Variants in FANCC observed in about 807,000 individuals in gnomAD.
The protein encoded by FANCC is FA complementation group C.
Under a neutral mutation model 71.3 loss-of-function variants are expected in FANCC, and 55 were observed. That is an observed-to-expected ratio of 0.77 (90% CI 0.62 to 0.97). The LOEUF (loss-of-function observed/expected upper bound fraction) is 0.97. Ranked by LOEUF, FANCC falls within the 50% of genes least tolerant of loss-of-function variation. The pLI, the probability that FANCC is intolerant of heterozygous loss-of-function variation, is 0.00. For synonymous variants in FANCC, 275 were observed against 244.9 expected (o/e 1.12, Z -1.15); for missense variants, 678 against 670.9 (o/e 1.01, Z -0.12).
intron 4 of FANCC, among the ~76,000 whole-genome samples, chr9:95,180,704 A>G (rs1826298262): frequency 6.6e-6 from 1 of 152,010 alleles, no homozygotes. Flanking sequence ...TGTTAAGTAC[A>G]TAAACCAATA....
At chr9:95,118,363 G>T (rs1293293530) in intron 10 of FANCC, among the ~76,000 whole-genome samples, 2 of 152,226 alleles carry the variant, frequency 1.3e-5, no homozygotes, top group Non-Finnish European at 2.9e-5. Context: ...AACTGTGCTC[G>T]CATTTCGAGG....
intron 8 of FANCC, among the ~76,000 whole-genome samples, chr9:95,128,178 G>T (rs1370227799): frequency 6.6e-6 from 1 of 152,092 alleles, no homozygotes; most frequent in South Asian, 2.1e-4. Context: ...AGAGGTCACC[G>T]GATATAAGCA....
chr9:95,206,113 T>C (rs779523732), intron 4 of FANCC, among the ~76,000 whole-genome samples: 3 of 152,078 alleles, frequency 2.0e-5, no homozygotes, highest in Non-Finnish European at 4.4e-5. Flanking sequence ...AAGCATCATA[T>C]GTAAAAAGGT....
chr9:95,159,841 G>A (rs1376689885), intron 6 of FANCC, among the ~76,000 whole-genome samples: 1 of 152,140 alleles, frequency 6.6e-6, no homozygotes, highest in Non-Finnish European at 1.5e-5. Context: ...GAGAGTGTCT[G>A]TTCATATTTT....
At chr9:95,257,418 C>T (rs1358102893) in intron 1 of FANCC, among the ~76,000 whole-genome samples, 3 of 152,184 alleles carry the variant, frequency 2.0e-5, no homozygotes, top group African/African-American at 7.2e-5. Context: ...GAACAACCTG[C>T]TCCTGAATGA....
At chr9:95,211,580 A>G (rs1427987976) in intron 4 of FANCC, among the ~76,000 whole-genome samples, 1 of 152,208 alleles carries the variant, frequency 6.6e-6, no homozygotes, top group East Asian at 1.9e-4. Flanking sequence ...GACCTAATCT[A>G]CAAAACATAA....
chr9:95,158,419 CA>C (rs1830562434), intron 6 of FANCC, among the ~76,000 whole-genome samples: 1 of 151,972 alleles, frequency 6.6e-6, no homozygotes, highest in African/African-American at 2.4e-5. Context: ...GGATATCTGC[CA>C]CTTAAGAAGC....
intron 12 of FANCC, among the ~76,000 whole-genome samples, chr9:95,112,973 C>T (rs2072076076): frequency 6.6e-6 from 1 of 152,196 alleles, no homozygotes; most frequent in African/African-American, 2.4e-5. Flanking sequence ...GAGAAAAACA[C>T]CCAGGGCACC....
At chr9:95,235,844 CAAAA>C (rs10666439) in intron 4 of FANCC, among the ~76,000 whole-genome samples, 1 of 36,222 alleles carries the variant, frequency 2.8e-5, no homozygotes, top group Non-Finnish European at 4.4e-5. Context: ...AACTCCACCT[CAAAA>C]AAAAAAAAAA....
At chr9:95,274,729 A>T (rs1011178189) in intron 1 of FANCC, among the ~76,000 whole-genome samples, 12 of 152,240 alleles carry the variant, frequency 7.9e-5, no homozygotes, top group Non-Finnish European at 1.5e-4. Context: ...TTGTACTGCC[A>T]GAAATTTATC....
chr9:95,115,629 C>T (rs1210335362), intron 11 of FANCC, among the ~76,000 whole-genome samples: 1 of 152,190 alleles, frequency 6.6e-6, no homozygotes. Context: ...CAGTTCTGTG[C>T]AGCATCTGCA....
intron 6 of FANCC, among the ~76,000 whole-genome samples, chr9:95,158,704 G>C (rs971482186): frequency 6.6e-6 from 1 of 152,332 alleles, no homozygotes; most frequent in Middle Eastern, 3.4e-3. Context: ...TAAAGAAGTA[G>C]TGTAGAGCAG....
chr9:95,257,902 C>T (rs1487793295), intron 1 of FANCC, among the ~76,000 whole-genome samples: 1 of 152,130 alleles, frequency 6.6e-6, no homozygotes, highest in Non-Finnish European at 1.5e-5. Flanking sequence ...CTATAAACAC[C>T]TCTACACAAA....
intron 4 of FANCC, among the ~76,000 whole-genome samples, chr9:95,220,454 A>T (rs1408717331): frequency 1.3e-5 from 2 of 152,228 alleles, no homozygotes; most frequent in Non-Finnish European, 2.9e-5. Flanking sequence ...AATAGCAAAG[A>T]CTTGGAACCA....
intron 4 of FANCC, among the ~76,000 whole-genome samples, chr9:95,231,141 T>C (rs902755171): frequency 1.3e-5 from 2 of 152,234 alleles, no homozygotes; most frequent in Admixed American, 6.5e-5. Context: ...ATTTCAAGTA[T>C]GAACCTTTGA....
chr9:95,263,694 C>T (rs1034860462), intron 1 of FANCC, among the ~76,000 whole-genome samples: 3 of 151,970 alleles, frequency 2.0e-5, no homozygotes, highest in Non-Finnish European at 1.5e-5. Context: ...CACTAGTGAG[C>T]GAATGCGAGT....
At chr9:95,104,270 G>T (rs944454043) in intron 14 of FANCC, among the ~76,000 whole-genome samples, 5 of 152,212 alleles carry the variant, frequency 3.3e-5, no homozygotes, top group African/African-American at 1.2e-4. Flanking sequence ...ACATCCGAAA[G>T]GACAGCCCCC....
intron 4 of FANCC, among the ~76,000 whole-genome samples, chr9:95,173,929 T>G (rs1825849660): frequency 6.6e-6 from 1 of 152,152 alleles, no homozygotes; most frequent in African/African-American, 2.4e-5. Flanking sequence ...ATAATTTTAA[T>G]AGTATTTAAA....
At chr9:95,295,401 A>G (rs1834306357) in intron 1 of FANCC, among the ~76,000 whole-genome samples, 1 of 152,166 alleles carries the variant, frequency 6.6e-6, no homozygotes, top group African/African-American at 2.4e-5. Context: ...ACAAAGCAAA[A>G]CAAAAAAACC....
Sources: allele counts gnomAD v4.1 joint callset (sites outside exome capture counted in the v4.1 genomes callset), GRCh38; gene constraint gnomAD v4.1.1; transcripts MANE v1.5; gene names NCBI Gene and HGNC (gene_info 2026-07-23, HGNC 2026-07-21).